CDKL1: variants seen among roughly 807,000 people sequenced by gnomAD.
The protein encoded by CDKL1 is cyclin dependent kinase like 1.
Under a neutral mutation model 42.0 loss-of-function variants are expected in CDKL1, and 41 were observed. The ratio of observed to expected loss-of-function variants is 0.98; its 90% confidence interval spans 0.76 to 1.27. CDKL1 has a LOEUF of 1.27. CDKL1 is among the 50% of genes most tolerant of loss of function. CDKL1 has a pLI of 0.00. For missense variants in CDKL1, 394 were observed against 428.4 expected, an observed-to-expected ratio of 0.92 and a Z score of 0.71; for synonymous variants, 153 against 158.6, an observed-to-expected ratio of 0.96 and a Z score of 0.26.
At chr14:50,373,849 C>G (rs1333952364) in intron 2 of CDKL1, among the ~76,000 whole-genome samples, 1 of 152,188 alleles carries the variant, frequency 6.6e-6, no homozygotes, top group Admixed American at 6.5e-5. Context: ...CAGACAGCCA[C>G]TTTGGAAAAC....
At chr14:50,338,098 TTGGAAG>T (rs1415017200) in intron 7 of CDKL1, among the ~76,000 whole-genome samples, 3 of 152,224 alleles carry the variant, frequency 2.0e-5, no homozygotes, top group African/African-American at 7.2e-5. Flanking sequence ...GAATAAATTG[TTGGAAG>T]TGGATTAGGG....
At chr14:50,387,071 G>T (rs1054911217) in intron 2 of CDKL1, among the ~76,000 whole-genome samples, 4 of 151,746 alleles carry the variant, frequency 2.6e-5, no homozygotes, top group African/African-American at 9.7e-5. Flanking sequence ...GCCTAGTGTG[G>T]TGATGCATGC....
At chr14:50,366,379 C>T (rs1375056432) in intron 2 of CDKL1, among the ~76,000 whole-genome samples, 1 of 152,128 alleles carries the variant, frequency 6.6e-6, no homozygotes, top group South Asian at 2.1e-4. Context: ...CAGGAGAGAA[C>T]TTGGGTCACT....
chr14:50,364,446 G>T (rs977646147), intron 2 of CDKL1, among the ~76,000 whole-genome samples: 1 of 152,196 alleles, frequency 6.6e-6, no homozygotes, highest in Non-Finnish European at 1.5e-5. Context: ...TCCAGCCAGG[G>T]CAACAGAGCA....
At chr14:50,397,080 G>T, upstream of CDKL1, 1 of 1,345,090 alleles carries the variant, frequency 7.4e-7, no homozygotes, top group Non-Finnish European at 9.9e-7. Flanking sequence ...CCTGCTGCCG[G>T]GAGAGCAGAC....
rs1159748532 is a variant in CDKL1 at position 50,329,926 on chromosome 14, T to C, written c.*148A>G. 2.2e-6 allele frequency: 2 copies of C among 923,550 alleles called. No individual in the cohort carries two copies. Among genetic ancestry groups the C allele is most frequent in the African/African-American group, 3.4e-5 (2 of 58,570 alleles). 57.2% of individuals were successfully genotyped at this position (923,550 alleles called of 1,614,324 possible). On this transcript the variant is annotated 3_prime_UTR_variant, in exon 10 of 10. Coordinates refer to ENST00000395834, the MANE Select transcript of CDKL1 (RefSeq NM_004196.7). ...AGACTGGATCTGGAATTTCCCTTCA[T>C]ATCTTGCCAGTTGGCCTCCCAGTTT...
intron 8 of CDKL1, chr14:50,332,954 T>C (rs11570871): frequency 0.018 from 5,578 of 316,874 alleles, 319 homozygotes; most frequent in East Asian, 0.17. Flanking sequence ...GTTGATGCAT[T>C]ATAAGTATAT....
chr14:50,379,512 G>C (rs1205776108), intron 2 of CDKL1, among the ~76,000 whole-genome samples: 2 of 152,176 alleles, frequency 1.3e-5, no homozygotes, highest in Non-Finnish European at 2.9e-5. Context: ...AAAGTGATAA[G>C]ATTCCAGAGT....
intron 5 of CDKL1, 145 bp downstream of exon 5, chr14:50,341,987 G>A: frequency 1.6e-6 from 1 of 643,762 alleles, no homozygotes; most frequent in Non-Finnish European, 2.7e-6. Flanking sequence ...CACATTTTCG[G>A]TAATTACAAA....
intron 2 of CDKL1, among the ~76,000 whole-genome samples, chr14:50,365,738 G>C (rs1398288341): frequency 6.6e-6 from 1 of 152,188 alleles, no homozygotes; most frequent in Non-Finnish European, 1.5e-5. Context: ...ATTAACATTT[G>C]AGTCAGAGGA....
At chr14:50,347,374 G>A (rs1241299651) in intron 3 of CDKL1, among the ~76,000 whole-genome samples, 1 of 152,182 alleles carries the variant, frequency 6.6e-6, no homozygotes, top group Non-Finnish European at 1.5e-5. Context: ...GCGTGAGAGT[G>A]CTGTGCTAGA....
chr14:50,384,976 C>T (rs2035030022), intron 2 of CDKL1, among the ~76,000 whole-genome samples: 1 of 147,910 alleles, frequency 6.8e-6, no homozygotes, highest in African/African-American at 2.5e-5. Context: ...GAGACTGACG[C>T]AGGAGAATTG....
intron 2 of CDKL1, 135 bp from the exon 3 acceptor site, chr14:50,359,284 C>T: frequency 1.1e-6 from 1 of 936,384 alleles, no homozygotes; most frequent in Non-Finnish European, 1.6e-6. Flanking sequence ...TAAACAGTAT[C>T]ATCTTACCCC....
chr14:50,396,287 AC>A lies in CDKL1; in HGVS notation c.-420del. On this transcript the variant is annotated 5_prime_UTR_variant, in exon 2 of 10. Transcript: ENST00000395834. ...GCTTATAAAATATTGGCACCAACGG[AC>A]TGCACTAGAGCCCCACCCAACGATG... 2.9e-6 allele frequency: 3 copies of A among 1,025,124 alleles called. No individual in the cohort carries two copies. Among genetic ancestry groups the A allele is most frequent in the South Asian group, 7.4e-5 (2 of 26,944 alleles). The allele number at this position is 1,025,124 out of a possible 1,614,324, so 63.5% of individuals were successfully genotyped here.
chr14:50,374,821 G>GT (rs1232051998), intron 2 of CDKL1, among the ~76,000 whole-genome samples: 2 of 152,124 alleles, frequency 1.3e-5, no homozygotes, highest in Admixed American at 6.5e-5. Flanking sequence ...CTTAGATCTC[G>GT]TTTTTTGATA....
chr14:50,360,087 G>A (rs998446640), intron 2 of CDKL1, among the ~76,000 whole-genome samples: 12 of 152,048 alleles, frequency 7.9e-5, no homozygotes, highest in African/African-American at 1.7e-4. Context: ...TTGGCAGATC[G>A]CTCCTCTTTT....
chr14:50,382,305 T>C (rs2034933432), intron 2 of CDKL1, among the ~76,000 whole-genome samples: 1 of 151,818 alleles, frequency 6.6e-6, no homozygotes, highest in Non-Finnish European at 1.5e-5. Flanking sequence ...ACAAAAAAAT[T>C]AGCCAGGCGT....
intron 2 of CDKL1, among the ~76,000 whole-genome samples, chr14:50,374,148 T>C (rs2034663747): frequency 6.6e-6 from 1 of 152,206 alleles, no homozygotes; most frequent in Non-Finnish European, 1.5e-5. Context: ...TGCATATTGT[T>C]AAGTGAGAGA....
chr14:50,367,999 C>T (rs2034480182), intron 2 of CDKL1, among the ~76,000 whole-genome samples: 2 of 152,132 alleles, frequency 1.3e-5, no homozygotes, highest in Admixed American at 1.3e-4. Context: ...CACTCTGTCA[C>T]CCAGGTGGGA....
Sources: gnomAD v4.1 joint callset for allele counts (sites outside exome capture counted in the v4.1 genomes callset) on GRCh38, gnomAD v4.1.1 for gene constraint, MANE v1.5 for transcripts, NCBI Gene and HGNC (gene_info 2026-07-23, HGNC 2026-07-21) for gene names.